Variants in SYNE2 observed in about 807,000 individuals in gnomAD.
SYNE2 encodes the protein nesprin-2.
Under a neutral mutation model 856.3 loss-of-function variants are expected in SYNE2, and 431 were observed. The ratio of observed to expected loss-of-function variants is 0.50; its 90% CI spans 0.47 to 0.55. SYNE2 has a LOEUF of 0.55. SYNE2 is among the 20% of genes least tolerant of loss of function. The pLI is 0.00. For missense variants in SYNE2, 8,129 were observed against 8,023.2 expected, an observed-to-expected ratio of 1.01 and a Z score of -0.50; for synonymous variants, 2,923 against 2,872.3, an observed-to-expected ratio of 1.02 and a Z score of -0.56.
At chr14:63,773,712 C>A (rs757830932) in intron 1 of SYNE2, among the ~76,000 whole-genome samples, 35 of 152,214 alleles carry the variant, frequency 2.3e-4, no homozygotes, top group Admixed American at 6.5e-4. Context: ...CAGGCATGCA[C>A]CAACATGCCC....
At position 63,776,293 on chromosome 14, in the gene SYNE2, G is replaced by A. The variant is rs796414162; in HGVS notation, c.-305+14307G>A. 5.3e-5 allele frequency among the ~76,000 whole-genome samples: 8 copies of A among 152,218 alleles called. No individual in the cohort carries two copies. The South Asian group carries it at 1.7e-3, about 32-fold the overall frequency. ...AATTATAGCTTTGGACTATTGAGAG[G>A]GTCTTAGTCCAATCCAGCTGCACAC... On this transcript the variant is annotated intron_variant, in intron 1 of 23. Transcript: ENST00000674003.
Position 64,052,381 on chromosome 14 carries a change from C to G in SYNE2, c.8468C>G (p.Thr2823Ser). The change falls in exon 48 of 116, where the codon ACT becomes AGT. Residue 2823 changes from threonine to serine, a missense_variant. Physicochemically the swap from Thr to Ser is moderately conservative, Grantham distance 58. Coordinates refer to ENST00000555002, the MANE Select transcript of SYNE2 (RefSeq NM_182914.3). ...TACCAAATGCTGGTTTTAAAATCAA[C>G]TCAAAGATCACAGCAATTAGAATTT... is the stretch of plus-strand genomic sequence containing the variant. Reference protein sequence around the residue: ...NQYQMLVLKSTQRSQQLEFKL... With the variant: ...NQYQMLVLKSSQRSQQLEFKL... 6.2e-7 allele frequency: 1 copy of G among 1,614,086 alleles called. No individual in the cohort carries two copies. The highest frequency in any genetic ancestry group is 8.5e-7 in the Non-Finnish European group (1 of 1,180,002).
intron 1 of SYNE2, among the ~76,000 whole-genome samples, chr14:63,866,023 A>T (rs1406487877): frequency 2.0e-5 from 3 of 152,062 alleles, no homozygotes; most frequent in African/African-American, 7.2e-5. Flanking sequence ...TAGTTTTGAG[A>T]TTTCTAAGAA....
Position 64,053,483 on chromosome 14 carries a change from C to A in SYNE2, c.9570C>A (p.Asp3190Glu). ...LEIKHIQNEK[D>E]NCEAFQEQVW... ...TTAAACATATTCAAAATGAAAAGGA[C>A]AATTGTGAAGCATTTCAGGAGCAAG... Residue 3190 changes from aspartate (D) to glutamate (E), a missense_variant, in exon 48 of 116, where the codon GAC (aspartate) becomes GAA (glutamate). Coordinates refer to ENST00000555002, the MANE Select transcript of SYNE2 (RefSeq NM_182914.3). 1 of 1,614,100 alleles carries A rather than the reference C, an allele frequency of 6.2e-7. No individual in the cohort carries two copies. Among genetic ancestry groups the A allele is most frequent in the African/African-American group, 1.3e-5 (1 of 75,022 alleles).
intron 96 of SYNE2, among the ~76,000 whole-genome samples, chr14:64,183,043 G>C (rs1419016722): frequency 2.7e-5 from 4 of 150,814 alleles, no homozygotes; most frequent in Non-Finnish European, 4.4e-5. Context: ...CCCGGACGGG[G>C]CGGCTGCTGG....
intron 28 of SYNE2, among the ~76,000 whole-genome samples, 175 bp downstream of exon 28, chr14:64,000,894 A>G (rs1000916750): frequency 6.6e-6 from 1 of 152,250 alleles, no homozygotes; most frequent in Non-Finnish European, 1.5e-5. Context: ...TGATACTCAG[A>G]GAGGTTAAAT....
At chr14:64,133,053 A>T (rs1443405930) in intron 77 of SYNE2, among the ~76,000 whole-genome samples, 2 of 151,210 alleles carry the variant, frequency 1.3e-5, no homozygotes, top group South Asian at 2.1e-4. Flanking sequence ...ATACAAAAAA[A>T]AAATTAGCTG....
rs1432172933 is a variant in SYNE2 at position 63,986,606 on chromosome 14, G to C, written c.2302G>C (p.Glu768Gln). Residue 768 changes from glutamate (E) to glutamine (Q), a missense_variant, in exon 19 of 116, where the codon GAA (glutamate) becomes CAA (glutamine). Glu to Gln is a conservative substitution (Grantham distance 29). Around this residue, in one of 3 missense-constraint regions of SYNE2, gnomAD observed 2,422 missense variants for 2,357.4 expected, o/e 1.03. Transcript: ENST00000555002. ...AGATGATGTGGACACCTCAATGGAAGAATCTTTGAAGGTATGTGTGTAAAA... is the reference window on the plus strand; with the variant it reads ...AGATGATGTGGACACCTCAATGGAACAATCTTTGAAGGTATGTGTGTAAAA... The part of the protein sequence containing the change: ...DQDDVDTSME[E>Q]SLKHLIAKGS... 5.6e-6 allele frequency: 9 copies of C among 1,614,006 alleles called. No homozygotes were observed. The highest frequency in any genetic ancestry group is 7.6e-6 in the Non-Finnish European group (9 of 1,180,010).
At chr14:63,892,746 T>G (rs914272248) in intron 1 of SYNE2, among the ~76,000 whole-genome samples, 15 of 116,194 alleles carry the variant, frequency 1.3e-4, no homozygotes, top group African/African-American at 4.0e-4. Context: ...TTTTTTTTTT[T>G]GTTGTAGAGA....
chr14:64,113,612 C>A, intron 66 of SYNE2, 41 bp downstream of exon 66: 3 of 1,549,302 alleles, frequency 1.9e-6, no homozygotes, highest in Non-Finnish European at 2.6e-6. Flanking sequence ...GCCTCTCCAC[C>A]AATCATCTGC....
chr14:64,093,863 C>T lies in SYNE2; in HGVS notation c.12108+383C>T, dbSNP rs77449120. Among the ~76,000 whole-genome samples, 205 of 152,168 alleles carry T rather than the reference C, an allele frequency of 1.3e-3. 2 individuals are homozygous for T. In the East Asian group the frequency reaches 0.034, roughly 26 times the overall value. On this transcript the variant is annotated intron_variant, in intron 61 of 115. Transcript: ENST00000555002. The stretch of plus-strand genomic sequence containing the variant: ...ATTTTGATGTGAATTTGCTCTGGTA[C>T]CAAAGAACCTGATATAACACACAGG...
intron 1 of SYNE2, among the ~76,000 whole-genome samples, chr14:63,860,337 G>A (rs1463043679): frequency 3.9e-5 from 6 of 152,210 alleles, no homozygotes; most frequent in Admixed American, 1.3e-4. Context: ...CCTCTGGGCT[G>A]CATTAGGAGG....
intron 57 of SYNE2, among the ~76,000 whole-genome samples, chr14:64,082,563 G>A (rs1040849381): frequency 3.3e-5 from 5 of 152,218 alleles, no homozygotes; most frequent in African/African-American, 1.2e-4. Flanking sequence ...AGCCAGCAAG[G>A]AAACAGGGAA....
rs1007487169 is a variant in SYNE2, at chr14:64,078,578, A to C, written c.11135A>C (p.Asn3712Thr). ...AAGATGTTGCAGCAGAAAAGCAAAAATATTGAGAAAGCTCAAGAAATTCAA... is the reference window on the plus strand; with the variant it reads ...AAGATGTTGCAGCAGAAAAGCAAAACTATTGAGAAAGCTCAAGAAATTCAA... ...VEKMLQQKSK[N>T]IEKAQEIQKK... The change falls in exon 55 of 116, where the codon AAT becomes ACT. Residue 3712 changes from asparagine to threonine, a missense_variant. Around this residue, in one of 3 missense-constraint regions of SYNE2, gnomAD observed 5,410 missense variants for 5,284.8 expected, o/e 1.02. Coordinates refer to ENST00000555002, the MANE Select transcript of SYNE2 (RefSeq NM_182914.3). 6.2e-7 allele frequency: 1 copy of C among 1,614,148 alleles called. No individual in the cohort carries two copies. Among genetic ancestry groups the C allele is most frequent in the Admixed American group, 1.7e-5 (1 of 60,026 alleles).
chr14:63,878,419 C>T (rs147824005), intron 1 of SYNE2, among the ~76,000 whole-genome samples: 22 of 152,224 alleles, frequency 1.4e-4, no homozygotes, highest in Non-Finnish European at 1.2e-4. Flanking sequence ...CTAGAGAAGT[C>T]GGTTAATATC....
At chr14:63,920,287 A>T (rs546814151) in intron 2 of SYNE2, among the ~76,000 whole-genome samples, 1 of 151,882 alleles carries the variant, frequency 6.6e-6, no homozygotes, top group Non-Finnish European at 1.5e-5. Context: ...GGAGTACCTA[A>T]CCCAGACCTG....
intron 1 of SYNE2, among the ~76,000 whole-genome samples, chr14:63,807,733 T>C (rs559179052): frequency 2.0e-4 from 29 of 141,670 alleles, no homozygotes; most frequent in African/African-American, 7.0e-4. Flanking sequence ...GGCAGGATCA[T>C]GGCCTCCACC....
intron 11 of SYNE2, among the ~76,000 whole-genome samples, chr14:63,971,684 C>T (rs2096479774): frequency 6.7e-6 from 1 of 149,550 alleles, no homozygotes. Context: ...TAATTTCTTT[C>T]TAGAGATCTG....
intron 19 of SYNE2, among the ~76,000 whole-genome samples, chr14:63,988,593 A>C (rs201605078): frequency 6.6e-6 from 1 of 152,126 alleles, no homozygotes; most frequent in African/African-American, 2.4e-5. Flanking sequence ...TATAACTTCT[A>C]TTTTATCATA....
Sources: gnomAD v4.1 joint callset for allele counts (sites outside exome capture counted in the v4.1 genomes callset) on GRCh38, gnomAD v4.1.1 for gene constraint, gnomAD v4.1.1 regional missense constraint, MANE v1.5 for transcripts, NCBI Gene and HGNC (gene_info 2026-07-23, HGNC 2026-07-21) for gene names.